The following SMPD4 variants were observed in gnomAD, a reference collection of about 807,000 sequenced individuals.
The protein encoded by SMPD4 is neutral sphingomyelinase 3.
A neutral mutation model predicts 97.8 loss-of-function variants in SMPD4; 58 were observed. That is an observed-to-expected ratio of 0.59 (90% CI 0.48 to 0.74). SMPD4 has a LOEUF of 0.74. SMPD4 is among the 30% of genes least tolerant of loss of function. SMPD4 has a pLI of 0.00. For missense variants in SMPD4, 853 were observed against 1,080.5 expected (o/e 0.79, Z 2.95); for synonymous variants, 388 against 450.0 (o/e 0.86, Z 1.74).
intron 3 of SMPD4, among the ~76,000 whole-genome samples, chr2:130,173,965 A>G (rs1484413378): frequency 4.1e-5 from 5 of 122,286 alleles, no homozygotes; most frequent in Non-Finnish European, 8.4e-5. Flanking sequence ...AGAAAAATAA[A>G]TAAATTTAAA....
At position 130,173,673 on chromosome 2, in the gene SMPD4, T is replaced by C; in HGVS notation, c.127-17A>G. 1 of 1,613,754 alleles carries C rather than the reference T, an allele frequency of 6.2e-7. No individual in the cohort carries two copies. Among genetic ancestry groups the C allele is most frequent in the East Asian group, 2.2e-5 (1 of 44,866 alleles). On this transcript the variant is annotated splice_polypyrimidine_tract_variant and intron_variant, in intron 3 of 19. Transcript: ENST00000680298. The stretch of plus-strand genomic sequence containing the variant: ...GTGCAGCTCCTGAAACAATGTGTGG[T>C]GAAGCCGCGTGCAGGACCAGCACCC...
At position 130,153,031 on chromosome 2, in the gene SMPD4, C is replaced by T. The variant is rs1686387747; in HGVS notation, c.2154+12G>A. On this transcript the variant is annotated intron_variant, in intron 19 of 19. Transcript: ENST00000680298. Reference sequence around the variant, plus strand: ...CTCTGAAGACGCCAGGCCAGCCCTCCTGCCCACTCACTCTGTGGTTGATGG... The same window carrying T: ...CTCTGAAGACGCCAGGCCAGCCCTCTTGCCCACTCACTCTGTGGTTGATGG... The T allele has an allele frequency of 1.9e-6, 3 of 1,607,994 alleles. No individual in the cohort carries two copies. Among genetic ancestry groups the T allele is most frequent in the Non-Finnish European group, 1.7e-6 (2 of 1,177,846 alleles).
rs1028496364 is a variant in SMPD4 at position 130,151,988 on chromosome 2, G to A, written c.*567C>T. 2.0e-5 allele frequency: 3 copies of A among 153,378 alleles called. No individual in the cohort carries two copies. Among genetic ancestry groups the A allele is most frequent in the Non-Finnish European group, 2.9e-5 (2 of 68,620 alleles). 9.5% of individuals were successfully genotyped at this position (153,378 alleles called of 1,614,324 possible). A position where few individuals can be genotyped will look rare whatever the true frequency, so the allele number is the denominator to read the frequency against. On this transcript the variant is annotated 3_prime_UTR_variant, in exon 20 of 20. Coordinates refer to ENST00000680298, the MANE Select transcript of SMPD4 (RefSeq NM_017951.5). ...ACATGGAATTCTACGGCCCAGTCTT[G>A]GAACAGCTGGGAGAACATGAAGAAC...
At chr2:130,162,662 C>G (rs1380263270) in intron 10 of SMPD4, among the ~76,000 whole-genome samples, 2 of 152,202 alleles carry the variant, frequency 1.3e-5, no homozygotes, top group African/African-American at 2.4e-5. Context: ...CTTCCTGCAT[C>G]TGAAAATAAG....
chr2:130,164,284 G>T, intron 10 of SMPD4, 90 bp downstream of exon 10: 2 of 1,123,128 alleles, frequency 1.8e-6, no homozygotes, highest in Admixed American at 1.7e-5. Flanking sequence ...CCACCATCCA[G>T]CCTGTGAAAA....
intron 1 of SMPD4, among the ~76,000 whole-genome samples, chr2:130,179,907 C>T (rs367861717): frequency 6.6e-6 from 1 of 151,970 alleles, no homozygotes. Flanking sequence ...CCCTCCTCGG[C>T]CTCCCAAAGT....
chr2:130,157,546 G>GGGT, intron 11 of SMPD4, 150 bp from the exon 12 acceptor site: 1 of 1,430,764 alleles, frequency 7.0e-7, no homozygotes, highest in Non-Finnish European at 9.4e-7. Context: ...CCACCCCATG[G>GGGT]GGCACCACTG....
At chr2:130,178,306 G>A (rs1197073712) in intron 1 of SMPD4, among the ~76,000 whole-genome samples, 2 of 152,190 alleles carry the variant, frequency 1.3e-5, no homozygotes, top group African/African-American at 2.4e-5. Context: ...TACAGATGAT[G>A]AAGGAGAGGC....
Position 130,173,505 on chromosome 2 carries a change from C to A in SMPD4, c.269+9G>T, listed in dbSNP as rs1688673137. 1 of 1,593,628 alleles carries A rather than the reference C, an allele frequency of 6.3e-7. No homozygotes were observed. The highest frequency in any genetic ancestry group is 8.6e-7 in the Non-Finnish European group (1 of 1,167,106). On this transcript the variant is annotated intron_variant, in intron 4 of 19. Coordinates refer to ENST00000680298, the MANE Select transcript of SMPD4 (RefSeq NM_017951.5). ...CACCCAGCCTCTCTCCGGTGACCAACCTACCTACCCAGGGTCGAGAAATTC... is the reference window on the plus strand; with the variant it reads ...CACCCAGCCTCTCTCCGGTGACCAAACTACCTACCCAGGGTCGAGAAATTC...
chr2:130,154,577 G>A, intron 15 of SMPD4, 95 bp from the exon 16 acceptor site: 1 of 1,528,818 alleles, frequency 6.5e-7, no homozygotes, highest in South Asian at 1.2e-5. Flanking sequence ...AGGTGTCTGG[G>A]GAGCCATGAC....
chr2:130,174,568 C>T (rs953875145), intron 3 of SMPD4, among the ~76,000 whole-genome samples: 7 of 152,206 alleles, frequency 4.6e-5, no homozygotes, highest in African/African-American at 9.6e-5. Context: ...ACTTCTTTGT[C>T]GCAGGGAGCT....
At chr2:130,181,005 T>G (rs1257568087) in intron 1 of SMPD4, among the ~76,000 whole-genome samples, 1 of 152,196 alleles carries the variant, frequency 6.6e-6, no homozygotes, top group Non-Finnish European at 1.5e-5. Flanking sequence ...GTTTTGTTTT[T>G]CTGACAGCGA....
At chr2:130,155,972 C>G in intron 14 of SMPD4, 63 bp downstream of exon 14, 2 of 1,539,188 alleles carry the variant, frequency 1.3e-6, no homozygotes, top group South Asian at 2.3e-5. Flanking sequence ...TGGCCTCCAC[C>G]CACTGGAACA....
At chr2:130,163,165 C>T (rs1051020123) in intron 10 of SMPD4, among the ~76,000 whole-genome samples, 35 of 152,240 alleles carry the variant, frequency 2.3e-4, no homozygotes, top group Non-Finnish European at 4.4e-4. Flanking sequence ...GCCACATGCA[C>T]GAGTGCTGAG....
At chr2:130,169,867 T>C (rs1289452957) in intron 8 of SMPD4, among the ~76,000 whole-genome samples, 1 of 152,180 alleles carries the variant, frequency 6.6e-6, no homozygotes, top group African/African-American at 2.4e-5. Flanking sequence ...GTTATTTTTA[T>C]TATGCGTGGA....
At chr2:130,166,700 GAC>G (rs146946406) in intron 9 of SMPD4, among the ~76,000 whole-genome samples, 2,036 of 152,306 alleles carry the variant, frequency 0.013, 46 homozygotes, top group African/African-American at 0.046. Context: ...GTGCCTAGAA[GAC>G]ACAGCCAGGA....
intron 8 of SMPD4, 150 bp downstream of exon 8, chr2:130,172,199 C>T (rs1380715576): frequency 3.3e-6 from 3 of 897,394 alleles, no homozygotes; most frequent in Non-Finnish European, 5.0e-6. Context: ...ACCCTCCAGT[C>T]TGTGCTAAGA....
At chr2:130,179,318 T>G (rs1689271375) in intron 1 of SMPD4, among the ~76,000 whole-genome samples, 1 of 151,526 alleles carries the variant, frequency 6.6e-6, no homozygotes, top group Non-Finnish European at 1.5e-5. Flanking sequence ...AGACGGGGTT[T>G]CACTGTATTA....
chr2:130,181,307 A>T, intron 1 of SMPD4: 2 of 1,416,852 alleles, frequency 1.4e-6, no homozygotes, highest in Non-Finnish European at 1.8e-6. Flanking sequence ...GGACCGGGAC[A>T]GAGTGTACGA....
Sources: gnomAD v4.1 joint callset for allele counts (sites outside exome capture counted in the v4.1 genomes callset) on GRCh38, gnomAD v4.1.1 for gene constraint, MANE v1.5 for transcripts, NCBI Gene and HGNC (gene_info 2026-07-23, HGNC 2026-07-21) for gene names.